LARP1: variants seen among roughly 807,000 people sequenced by gnomAD.
LARP1 encodes the protein la-related protein 1.
In LARP1, 36 loss-of-function variants were observed where a neutral mutation model predicts 122.7. The observed-to-expected ratio is 0.29, with a 90% CI of 0.22 to 0.39. LARP1 has a LOEUF of 0.39. Ranked by LOEUF, LARP1 falls within the 10% of genes least tolerant of loss-of-function variation. The pLI, the probability that LARP1 is intolerant of heterozygous loss-of-function variation, is 1.00. For synonymous variants in LARP1, 539 were observed against 528.7 expected (o/e 1.02, Z -0.27); for missense variants, 1,040 against 1,403.6 (o/e 0.74, Z 4.14).
intron 14 of LARP1, 157 bp from the exon 15 acceptor site, chr5:154,805,724 C>T (rs932197399): frequency 1.4e-6 from 1 of 711,864 alleles, no homozygotes; most frequent in Non-Finnish European, 2.4e-6. Context: ...TTAATCAGAC[C>T]CATGGATATA....
chr5:154,727,250 C>A (rs1756277393), intron 1 of LARP1, among the ~76,000 whole-genome samples: 1 of 152,064 alleles, frequency 6.6e-6, no homozygotes, highest in South Asian at 2.1e-4. Context: ...TCACTTAAAA[C>A]CCTAAACAGA....
At chr5:154,762,630 T>TAG (rs1754550161) in intron 1 of LARP1, among the ~76,000 whole-genome samples, 2 of 152,180 alleles carry the variant, frequency 1.3e-5, no homozygotes, top group Non-Finnish European at 2.9e-5. Flanking sequence ...GCCAGCTTGG[T>TAG]AGATCTGTCA....
At chr5:154,689,061 G>A (rs1202426623) in intron 1 of LARP1, among the ~76,000 whole-genome samples, 1 of 151,896 alleles carries the variant, frequency 6.6e-6, no homozygotes, top group Non-Finnish European at 1.5e-5. Flanking sequence ...GCTCACATCT[G>A]TAATCCTAGC....
intron 1 of LARP1, among the ~76,000 whole-genome samples, chr5:154,688,817 C>A (rs1172262221): frequency 1.3e-5 from 2 of 152,084 alleles, no homozygotes; most frequent in African/African-American, 4.8e-5. Context: ...CAGAATGAGA[C>A]CCTGGTTCAA....
At chr5:154,732,095 G>A (rs2113408644) in intron 1 of LARP1, among the ~76,000 whole-genome samples, 1 of 151,672 alleles carries the variant, frequency 6.6e-6, no homozygotes, top group South Asian at 2.1e-4. Flanking sequence ...GAACCCGGGA[G>A]GCGGAGGTTG....
chr5:154,803,605 C>T lies in LARP1; in HGVS notation c.2299C>T (p.Leu767=), dbSNP rs1758518043. Reference sequence around the variant, plus strand: ...TGAGCCCTCCACCATCGCCCGCTCTCTACCAACCACTGTCCCAGAGTCACC... The same window carrying T: ...TGAGCCCTCCACCATCGCCCGCTCTTTACCAACCACTGTCCCAGAGTCACC... ...APEPSTIARS[L]PTTVPESPNY... The change falls in exon 13 of 19, where the codon CTA becomes TTA. Residue 767 remains leucine (L), a synonymous_variant. Coordinates refer to ENST00000518297, the MANE Select transcript of LARP1 (RefSeq NM_033551.3). The surrounding 1 kb of genome is among the most constrained non-coding windows in gnomAD (Gnocchi z 4.4). 1 of 1,614,226 alleles carries T rather than the reference C, an allele frequency of 6.2e-7. No homozygotes were observed. Among genetic ancestry groups the T allele is most frequent in the Non-Finnish European group, 8.5e-7 (1 of 1,180,038 alleles).
intron 1 of LARP1, among the ~76,000 whole-genome samples, chr5:154,725,389 A>C (rs1457732968): frequency 1.0e-5 from 1 of 99,760 alleles, no homozygotes; most frequent in African/African-American, 3.4e-5. Context: ...ACTCTGTCTC[A>C]AAAAAAAAAA....
chr5:154,734,286 A>G (rs963594647), intron 1 of LARP1, among the ~76,000 whole-genome samples: 1 of 152,232 alleles, frequency 6.6e-6, no homozygotes, highest in African/African-American at 2.4e-5. Flanking sequence ...ATTAATTATT[A>G]GCATTGATTT....
intron 1 of LARP1, among the ~76,000 whole-genome samples, chr5:154,701,207 C>T (rs2113247226): frequency 6.6e-6 from 1 of 152,214 alleles, no homozygotes; most frequent in Admixed American, 6.5e-5. Context: ...CTTACCTGGG[C>T]CCTATAAAAC....
intron 10 of LARP1, among the ~76,000 whole-genome samples, chr5:154,800,779 T>C (rs1758285660): frequency 6.6e-6 from 1 of 152,172 alleles, no homozygotes; most frequent in Non-Finnish European, 1.5e-5. Context: ...GAATTGACCT[T>C]GAACTTTGGG....
upstream of LARP1, among the ~76,000 whole-genome samples, chr5:154,710,742 C>CAAAA (rs35253134): frequency 9.7e-5 from 9 of 92,404 alleles, no homozygotes; most frequent in East Asian, 3.2e-4. Context: ...GACTCCATCT[C>CAAAA]AAAAAAAAAA....
intron 1 of LARP1, among the ~76,000 whole-genome samples, chr5:154,691,990 A>C (rs1403399768): frequency 1.3e-5 from 2 of 151,762 alleles, no homozygotes; most frequent in African/African-American, 4.8e-5. Context: ...GGGTTTCACC[A>C]TTTGTTGGCC....
intron 1 of LARP1, among the ~76,000 whole-genome samples, chr5:154,690,886 G>A (rs959219052): frequency 6.6e-6 from 1 of 152,336 alleles, no homozygotes; most frequent in African/African-American, 2.4e-5. Flanking sequence ...CGGATTCCCC[G>A]GAGTATTCGG....
intron 1 of LARP1, among the ~76,000 whole-genome samples, chr5:154,728,420 T>C (rs546798632): frequency 2.0e-5 from 3 of 152,292 alleles, no homozygotes; most frequent in East Asian, 3.9e-4. Context: ...CTTTGACCAA[T>C]AGAGATCAGT....
At chr5:154,732,867 G>A (rs1756668307) in intron 1 of LARP1, among the ~76,000 whole-genome samples, 1 of 152,094 alleles carries the variant, frequency 6.6e-6, no homozygotes. Flanking sequence ...TCATTCTTTT[G>A]AGATAAATTA....
chr5:154,784,871 C>T lies in LARP1; in HGVS notation c.437-5454C>T, dbSNP rs924003975. ...TTTGAGAAGAAGACAATAGTGAAAA[C>T]ACTTTTAAATCTTTTTATCTGGCTG... is the stretch of plus-strand genomic sequence containing the variant. On this transcript the variant is annotated intron_variant, in intron 1 of 18. Coordinates refer to ENST00000518297, the MANE Select transcript of LARP1 (RefSeq NM_033551.3). Among the ~76,000 whole-genome samples, 6 of 152,318 alleles carry T rather than the reference C, an allele frequency of 3.9e-5. No individual in the cohort carries two copies. The East Asian group carries it at 1.2e-3, about 29-fold the overall frequency.
At chr5:154,724,333 G>A (rs959571121) in intron 1 of LARP1, among the ~76,000 whole-genome samples, 2 of 152,190 alleles carry the variant, frequency 1.3e-5, no homozygotes, top group African/African-American at 2.4e-5. Flanking sequence ...GGAATCTAAA[G>A]CTCTGACTCA....
At chr5:154,809,518 A>G (rs532216309) in intron 16 of LARP1, among the ~76,000 whole-genome samples, 213 of 152,040 alleles carry the variant, frequency 1.4e-3, no homozygotes, top group Middle Eastern at 3.4e-3. Context: ...AGCTCATCCT[A>G]TGAAGTTTGT....
chr5:154,708,790 TA>T (rs1755073788), upstream of LARP1, among the ~76,000 whole-genome samples: 1 of 152,140 alleles, frequency 6.6e-6, no homozygotes, highest in African/African-American at 2.4e-5. Flanking sequence ...TTTGTATTTT[TA>T]ATAGAGACGG....
Sources: gnomAD v4.1 joint callset for allele counts (sites outside exome capture counted in the v4.1 genomes callset) on GRCh38, gnomAD v4.1.1 for gene constraint, Gnocchi (gnomAD v3.1) non-coding constraint, MANE v1.5 for transcripts, NCBI Gene and HGNC (gene_info 2026-07-23, HGNC 2026-07-21) for gene names.